XYLT1: variants seen among roughly 807,000 people sequenced by gnomAD.
XYLT1 encodes the protein beta-D-xylosyltransferase 1.
XYLT1 carries 36 observed loss-of-function variants against 91.3 expected under a neutral mutation model. The observed-to-expected ratio is 0.39, with a 90% CI of 0.30 to 0.52. The LOEUF (loss-of-function observed/expected upper bound fraction) is 0.52, where lower values mean the gene tolerates loss of function less well. Ranked by LOEUF, XYLT1 falls within the 20% of genes least tolerant of loss-of-function variation. The pLI is 0.68. For missense variants in XYLT1, 1,242 were observed against 1,284.5 expected (o/e 0.97, Z 0.51); for synonymous variants, 588 against 532.0 (o/e 1.11, Z -1.45).
rs144966908 is a variant in XYLT1 at position 17,448,779 on chromosome 16, AAGC to A, written c.363+21652_363+21654del. ...GCAGAGGAAGAGGAAGAGGAGGAGG[AAGC>A]AGCAGCAGCAGCATGTTATGGTGCT... is the stretch of plus-strand genomic sequence containing the variant. On this transcript the variant is annotated intron_variant, in intron 1 of 11. Coordinates refer to ENST00000261381, the MANE Select transcript of XYLT1 (RefSeq NM_022166.4). Among the ~76,000 whole-genome samples the A allele has an allele frequency of 3.9e-3, 590 of 152,028 alleles. 3 individuals carry two copies. The highest frequency in any genetic ancestry group is 6.3e-3 in the Non-Finnish European group (425 of 67,942).
At position 17,127,656 on chromosome 16, in the gene XYLT1, G is replaced by A. The variant is rs750355184; in HGVS notation, c.2223+10C>T. On this transcript the variant is annotated intron_variant, in intron 10 of 11. Transcript: ENST00000261381. ...AATACAATGAAATGTGACAAGACCT[G>A]GCCTCTTACCTCGGAAAACTGAAGC... 3.7e-5 allele frequency: 59 copies of A among 1,612,212 alleles called. No homozygotes were observed. Among genetic ancestry groups the A allele is most frequent in the Non-Finnish European group, 4.8e-5 (57 of 1,179,188 alleles).
At chr16:17,273,700 C>A (rs2141776127) in intron 2 of XYLT1, among the ~76,000 whole-genome samples, 1 of 151,914 alleles carries the variant, frequency 6.6e-6, no homozygotes, top group African/African-American at 2.4e-5. Context: ...CAAAATTAGC[C>A]AGTTGTAGTG....
chr16:17,311,954 T>TA (rs2034558579), intron 2 of XYLT1, among the ~76,000 whole-genome samples: 2 of 152,100 alleles, frequency 1.3e-5, no homozygotes, highest in Non-Finnish European at 2.9e-5. Flanking sequence ...ATGATTCAGT[T>TA]ATCTCCCACT....
At chr16:17,142,465 A>T in intron 6 of XYLT1, among the ~76,000 whole-genome samples, 1 of 128,904 alleles carries the variant, frequency 7.8e-6, no homozygotes, top group African/African-American at 2.9e-5. Flanking sequence ...ACAGGGTCTC[A>T]CTCGGTAGCT....
chr16:17,154,813 G>A (rs1333705323), intron 6 of XYLT1, among the ~76,000 whole-genome samples: 3 of 152,182 alleles, frequency 2.0e-5, no homozygotes, highest in South Asian at 4.1e-4. Flanking sequence ...GCTAAAGGTT[G>A]GAGATGAAGA....
intron 6 of XYLT1, among the ~76,000 whole-genome samples, chr16:17,150,886 G>A (rs11640968): frequency 0.059 from 8,949 of 152,206 alleles, 393 homozygotes; most frequent in South Asian, 0.11. Context: ...CAAAGAGAAG[G>A]AATCAGTCCT....
intron 5 of XYLT1, among the ~76,000 whole-genome samples, chr16:17,194,762 C>T (rs1282466691): frequency 2.6e-5 from 4 of 152,212 alleles, no homozygotes; most frequent in Non-Finnish European, 5.9e-5. Flanking sequence ...GGTTCTAATC[C>T]CCACTCTGCC....
intron 8 of XYLT1, 92 bp downstream of exon 8, chr16:17,138,263 T>TACC: frequency 6.7e-7 from 1 of 1,483,400 alleles, no homozygotes; most frequent in Non-Finnish European, 9.2e-7. Context: ...CACCATGTGA[T>TACC]AAGATGACCT....
At chr16:17,281,820 A>C (rs1329864806) in intron 2 of XYLT1, among the ~76,000 whole-genome samples, 2 of 152,172 alleles carry the variant, frequency 1.3e-5, no homozygotes, top group African/African-American at 4.8e-5. Flanking sequence ...TGGGCCACAA[A>C]CACTTCTTGG....
At chr16:17,189,943 G>A (rs1659186987) in intron 5 of XYLT1, among the ~76,000 whole-genome samples, 1 of 152,208 alleles carries the variant, frequency 6.6e-6, no homozygotes, top group Non-Finnish European at 1.5e-5. Context: ...CTACCTGGGA[G>A]GCAGAGCCAG....
chr16:17,241,428 C>T (rs186127051), intron 3 of XYLT1, among the ~76,000 whole-genome samples: 1 of 152,378 alleles, frequency 6.6e-6, no homozygotes, highest in East Asian at 1.9e-4. Context: ...GTAGAGACTA[C>T]AGTTTCTTCA....
intron 6 of XYLT1, among the ~76,000 whole-genome samples, chr16:17,151,088 G>C (rs552200317): frequency 1.3e-5 from 2 of 152,184 alleles, no homozygotes; most frequent in African/African-American, 4.8e-5. Flanking sequence ...GGGAAACTCC[G>C]CAGTCAGCAC....
chr16:17,357,192 A>AAAAC (rs1555499824), intron 2 of XYLT1, among the ~76,000 whole-genome samples: 10 of 148,066 alleles, frequency 6.8e-5, no homozygotes, highest in Admixed American at 2.0e-4. Context: ...AAAAAAAAAA[A>AAAAC]AAAAAAACGC....
rs145244421 is a variant in XYLT1 at position 17,117,701 on chromosome 16, C to G, written c.2502G>C (p.Glu834Asp). The change falls in exon 11 of 12, where the codon GAG becomes GAC. Residue 834 changes from glutamate (E) to aspartate (D), a missense_variant. By Grantham distance (45) the Glu-to-Asp change is conservative. Coordinates refer to ENST00000261381, the MANE Select transcript of XYLT1 (RefSeq NM_022166.4). The part of the protein sequence containing the change: ...KILHHWVPVA[E>D]TKFLVAPLTF... ...TCAGAGGCGCAACGAGGAATTTGGT[C>G]TCTGCAACTGGCACCCAGTGGTGGA... is the stretch of plus-strand genomic sequence containing the variant. 8.4e-5 allele frequency: 135 copies of G among 1,614,138 alleles called. 1 individual carries two copies. In the African/African-American group the frequency reaches 1.7e-3, roughly 21 times the overall value.
chr16:17,415,043 G>T (rs1007167021), intron 1 of XYLT1, among the ~76,000 whole-genome samples: 1 of 152,088 alleles, frequency 6.6e-6, no homozygotes, highest in Non-Finnish European at 1.5e-5. Flanking sequence ...ACAGCCTGGG[G>T]TATAAACACC....
At chr16:17,406,952 G>A (rs555043951) in intron 1 of XYLT1, among the ~76,000 whole-genome samples, 3 of 152,026 alleles carry the variant, frequency 2.0e-5, no homozygotes, top group Non-Finnish European at 2.9e-5. Context: ...ATGGTCTTTC[G>A]AAAGTCACCC....
chr16:17,273,138 C>CT (rs933231324), intron 2 of XYLT1, among the ~76,000 whole-genome samples: 3 of 152,218 alleles, frequency 2.0e-5, no homozygotes, highest in African/African-American at 7.2e-5. Flanking sequence ...AGGAGCCTAA[C>CT]TTAGATTTAC....
intron 2 of XYLT1, among the ~76,000 whole-genome samples, chr16:17,357,597 G>T (rs1419125039): frequency 1.3e-5 from 2 of 152,192 alleles, no homozygotes; most frequent in African/African-American, 4.8e-5. Flanking sequence ...CCTTCCATAT[G>T]CTGCCCTCAC....
chr16:17,254,366 CT>C (rs1203224852), intron 3 of XYLT1, among the ~76,000 whole-genome samples: 1 of 152,170 alleles, frequency 6.6e-6, no homozygotes, highest in Non-Finnish European at 1.5e-5. Flanking sequence ...TTCTTAACTT[CT>C]TTTCTCTAGC....
Sources: allele counts gnomAD v4.1 joint callset (sites outside exome capture counted in the v4.1 genomes callset), GRCh38; gene constraint gnomAD v4.1.1; transcripts MANE v1.5; gene names NCBI Gene and HGNC (gene_info 2026-07-23, HGNC 2026-07-21).